The following MRM2 variants were observed in gnomAD, a reference collection of about 807,000 sequenced individuals.
MRM2 encodes the protein mitochondrial rRNA methyltransferase 2, also known as rRNA methyltransferase 2, mitochondrial.
MRM2 carries 15 observed loss-of-function variants against 10.9 expected under a neutral mutation model. That is an observed-to-expected ratio of 1.37 (90% CI 0.92 to 2.11). MRM2 has a LOEUF of 2.11. Ranked by LOEUF, MRM2 falls within the 30% of genes most tolerant of loss-of-function variation. MRM2 has a pLI of 0.00. For missense variants in MRM2, 328 were observed against 321.3 expected (o/e 1.02, Z -0.16); for synonymous variants, 139 against 128.7 (o/e 1.08, Z -0.54).
chr7:2,242,082 G>A, intron 1 of MRM2, 80 bp downstream of exon 1: 1 of 1,474,762 alleles, frequency 6.8e-7, no homozygotes, highest in Non-Finnish European at 9.2e-7. Context: ...CCAGCCCCGA[G>A]GCCAGGACCG....
chr7:2,239,358 G>C, intron 2 of MRM2, 60 bp downstream of exon 2: 1 of 1,525,928 alleles, frequency 6.6e-7, no homozygotes, highest in South Asian at 1.2e-5. Flanking sequence ...AAGGCAGCTT[G>C]CCCATGCCCA....
chr7:2,236,208 C>T (rs1794416754), intron 2 of MRM2, among the ~76,000 whole-genome samples: 1 of 151,860 alleles, frequency 6.6e-6, no homozygotes, highest in South Asian at 2.1e-4. Flanking sequence ...CCAGCCTTGG[C>T]GACAGAGCGA....
At chr7:2,240,830 GA>G (rs1252799338) in intron 1 of MRM2, among the ~76,000 whole-genome samples, 5 of 152,076 alleles carry the variant, frequency 3.3e-5, no homozygotes, top group Non-Finnish European at 7.4e-5. Context: ...AAGTAGCTGG[GA>G]TTACAGGCAC....
Position 2,234,969 on chromosome 7 carries a change from AAG to A in MRM2, c.*151_*152del, listed in dbSNP as rs1285656888. On this transcript the variant is annotated 3_prime_UTR_variant, in exon 3 of 3. Transcript: ENST00000242257. ...GTTTTGTCATCTCTTTTTGGTTAAA[AAG>A]AGAGAGAGAGAAAGAGAGAGAGAGA... 4.3e-4 allele frequency: 265 copies of A among 622,040 alleles called. No homozygotes were observed. Among genetic ancestry groups the A allele is most frequent in the South Asian group, 9.2e-4 (45 of 48,958 alleles). The allele number at this position is 622,040 out of a possible 1,614,324, so 38.5% of individuals were successfully genotyped here.
chr7:2,235,313 T>A lies in MRM2; in HGVS notation c.550A>T (p.Ile184Phe), dbSNP rs1794398640. The A allele has an allele frequency of 6.2e-7, 1 of 1,614,056 alleles. No individual in the cohort carries two copies. Among genetic ancestry groups the A allele is most frequent in the Non-Finnish European group, 8.5e-7 (1 of 1,179,980 alleles). The change falls in exon 3 of 3, where the codon ATC becomes TTC. Residue 184 changes from isoleucine to phenylalanine, a missense_variant. Transcript: ENST00000242257. ...AGGAATGTCCCCCCAGGTTGCAGGA[T>A]GTCTGGGGTCACGCTGAGAAGGGTC... is the stretch of plus-strand genomic sequence containing the variant. ...CLTLLSVTPD[I>F]LQPGGTFLCK...
chr7:2,235,157 G>C lies in MRM2; in HGVS notation c.706C>G (p.Gln236Glu), dbSNP rs374833805. The change falls in exon 3 of 3, where the codon CAG becomes GAG. Residue 236 changes from glutamine to glutamate, a missense_variant. Transcript: ENST00000242257. The stretch of plus-strand genomic sequence containing the variant: ...ACAGTGCCCTTCCTTCCGTGGTACT[G>C]TGTGGCCAAGAAGTACACTTCTGAT... ...ESSEVYFLAT[Q>E]YHGRKGTVKQ 3.7e-6 allele frequency: 6 copies of C among 1,614,012 alleles called. No individual in the cohort carries two copies. In the East Asian group the frequency reaches 1.3e-4, roughly 36 times the overall value.
chr7:2,239,820 C>A, intron 1 of MRM2, 113 bp from the exon 2 acceptor site: 1 of 958,430 alleles, frequency 1.0e-6, no homozygotes, highest in East Asian at 2.5e-5. Context: ...CACCAAGGCC[C>A]AGGAGGGGAG....
At chr7:2,241,723 C>T (rs1056236888) in intron 1 of MRM2, among the ~76,000 whole-genome samples, 1 of 152,274 alleles carries the variant, frequency 6.6e-6, no homozygotes, top group Admixed American at 6.5e-5. Flanking sequence ...GCACTGACTG[C>T]TGACCGTGAG....
Position 2,235,442 on chromosome 7 carries a change from C to G in MRM2, c.421G>C (p.Glu141Gln), listed in dbSNP as rs145499012. 2 of 1,613,904 alleles carry G rather than the reference C, an allele frequency of 1.2e-6. No individual in the cohort carries two copies. Among genetic ancestry groups the G allele is most frequent in the Non-Finnish European group, 8.5e-7 (1 of 1,180,028 alleles). Residue 141 changes from glutamate (E) to glutamine (Q), a missense_variant, in exon 3 of 3, where the codon GAG becomes CAG. Coordinates refer to ENST00000242257, the MANE Select transcript of MRM2 (RefSeq NM_013393.3). Reference sequence around the variant, plus strand: ...TCTGCTCTCCTGCCAGGAAGCACCTCGAGGATTCTCTGTGAGGTTCTCGGG... The same window carrying G: ...TCTGCTCTCCTGCCAGGAAGCACCTGGAGGATTCTCTGTGAGGTTCTCGGG... ...TDPRTSQRIL[E>Q]VLPGRRADVI... is the part of the protein sequence containing the mutation.
chr7:2,239,684 G>A lies in MRM2; in HGVS notation c.32C>T (p.Ser11Phe), dbSNP rs55904231. The change falls in exon 2 of 3, where the codon TCC becomes TTC. Residue 11 changes from serine to phenylalanine, a missense_variant. Transcript: ENST00000242257. MAGYLKLVCV[S>F]FQRQGFHTVG... ...AGTGTGGAACCCTTGACGCTGAAAG[G>A]AAACACACACCAGCTTCAAGTACCT... 5,956 of 1,612,880 alleles carry A rather than the reference G, an allele frequency of 3.7e-3. 181 individuals carry two copies. In the African/African-American group the frequency reaches 0.067, roughly 18 times the overall value.
chr7:2,240,754 G>A (rs1037734427), intron 1 of MRM2, among the ~76,000 whole-genome samples: 1 of 152,132 alleles, frequency 6.6e-6, no homozygotes, highest in Non-Finnish European at 1.5e-5. Context: ...CCAGGCTGGA[G>A]TGCAGTGACA....
intron 2 of MRM2, among the ~76,000 whole-genome samples, chr7:2,236,963 G>C (rs1434637509): frequency 1.3e-5 from 2 of 152,210 alleles, no homozygotes; most frequent in Non-Finnish European, 2.9e-5. Flanking sequence ...GTGACACAAA[G>C]GCATCTTTTT....
chr7:2,240,109 C>T (rs576990053), intron 1 of MRM2, among the ~76,000 whole-genome samples: 18 of 152,240 alleles, frequency 1.2e-4, no homozygotes, highest in South Asian at 8.3e-4. Flanking sequence ...ATAAACCCAG[C>T]TACTCGGGAG....
chr7:2,234,672 A>G lies in MRM2; in HGVS notation c.*450T>C, dbSNP rs998962136. On this transcript the variant is annotated 3_prime_UTR_variant, in exon 3 of 3. Transcript: ENST00000242257. ...ACCCAGCCCCCAGATTTTCTACTTTAAACAGCCACACTAAGAACTGGAAAT... is the reference window on the plus strand; with the variant it reads ...ACCCAGCCCCCAGATTTTCTACTTTGAACAGCCACACTAAGAACTGGAAAT... 11 of 169,408 alleles carry G rather than the reference A, an allele frequency of 6.5e-5. No homozygotes were observed. Among genetic ancestry groups the G allele is most frequent in the Admixed American group, 2.2e-4 (4 of 18,328 alleles). 10.5% of individuals were successfully genotyped at this position (169,408 alleles called of 1,614,324 possible).
chr7:2,236,711 C>G lies in MRM2; in HGVS notation c.299-1147G>C, dbSNP rs557551713. Among the ~76,000 whole-genome samples, 3 of 152,310 alleles carry G rather than the reference C, an allele frequency of 2.0e-5. No individual in the cohort carries two copies. In the South Asian group the frequency reaches 6.2e-4, roughly 32 times the overall value. On this transcript the variant is annotated intron_variant, in intron 2 of 2. Coordinates refer to ENST00000242257, the MANE Select transcript of MRM2 (RefSeq NM_013393.3). ...ATGAAACACGGTCCCTTTCTCTCCC[C>G]CTACCGTTGGAACAGCCTTTCTGTT...
At position 2,239,405 on chromosome 7, in the gene MRM2, T is replaced by C. The variant is rs1046008459; in HGVS notation, c.298+13A>G. On this transcript the variant is annotated intron_variant, in intron 2 of 2. Coordinates refer to ENST00000242257, the MANE Select transcript of MRM2 (RefSeq NM_013393.3). ...GGGAGCCAGAAGGTGCCAACAGCAG[T>C]GCAGAGGCCCACCTGTGCCTGCGGC... 6.3e-7 allele frequency: 1 copy of C among 1,594,976 alleles called. No individual in the cohort carries two copies.
chr7:2,236,871 C>A (rs759241140), intron 2 of MRM2, among the ~76,000 whole-genome samples: 5 of 151,998 alleles, frequency 3.3e-5, no homozygotes, highest in Non-Finnish European at 5.9e-5. Flanking sequence ...GAAGAGGGGG[C>A]TTTGAATGTA....
chr7:2,237,768 C>A (rs961334370), intron 2 of MRM2, among the ~76,000 whole-genome samples: 1 of 151,990 alleles, frequency 6.6e-6, no homozygotes, highest in Non-Finnish European at 1.5e-5. Context: ...ATGGCAAAAC[C>A]TCATCTCTAC....
intron 2 of MRM2, among the ~76,000 whole-genome samples, chr7:2,236,162 G>A (rs776110186): frequency 1.3e-5 from 2 of 152,154 alleles, no homozygotes; most frequent in African/African-American, 2.4e-5. Context: ...CCCGGGAAGC[G>A]GAGGTTGCAG....
Sources: gnomAD v4.1 joint callset for allele counts (sites outside exome capture counted in the v4.1 genomes callset) on GRCh38, gnomAD v4.1.1 for gene constraint, MANE v1.5 for transcripts, NCBI Gene and HGNC (gene_info 2026-07-23, HGNC 2026-07-21) for gene names.